Variants in PCDH11X observed in about 807,000 individuals in gnomAD.
The protein encoded by PCDH11X is protocadherin 11 X-linked, also known as protocadherin-11 X-linked.
PCDH11X carries 18 observed loss-of-function variants against 53.3 expected under a neutral mutation model. That is an observed-to-expected ratio of 0.34 (90% CI 0.23 to 0.50). PCDH11X has a LOEUF of 0.50. PCDH11X is among the 20% of genes least tolerant of loss of function. The pLI is 0.98. For missense variants in PCDH11X, 570 were observed against 1,032.4 expected (o/e 0.55, Z 6.14); for synonymous variants, 279 against 393.3 (o/e 0.71, Z 3.44).
At chrX:91,814,709 CACAG>C (rs1936401449) in intron 4 of PCDH11X, among the ~76,000 whole-genome samples, 1 of 91,438 alleles carries the variant, frequency 1.1e-5, no homozygotes, top group Non-Finnish European at 2.2e-5. Flanking sequence ...TTCTTTCAAT[CACAG>C]ATGGCTAGAA....
chrX:92,171,297 A>G (rs1190333728), intron 6 of PCDH11X, among the ~76,000 whole-genome samples: 1 of 103,372 alleles, frequency 9.7e-6, no homozygotes. Flanking sequence ...TTGGTTGTGC[A>G]TGTTGTTTTT....
intron 10 of PCDH11X, among the ~76,000 whole-genome samples, chrX:92,552,123 G>A (rs1209045897): frequency 2.0e-4 from 20 of 99,610 alleles, no homozygotes; most frequent in African/African-American, 6.9e-4. Context: ...CATTGAGTCT[G>A]TAGATTGCTT....
intron 6 of PCDH11X, among the ~76,000 whole-genome samples, chrX:91,971,050 C>T (rs1315777857): frequency 2.7e-5 from 3 of 111,356 alleles, no homozygotes; most frequent in Non-Finnish European, 5.6e-5. Context: ...AGGAAAAATG[C>T]ATAATTACCT....
intron 4 of PCDH11X, among the ~76,000 whole-genome samples, chrX:91,814,865 T>C (rs897739439): frequency 6.7e-5 from 7 of 104,148 alleles, no homozygotes; most frequent in African/African-American, 2.5e-4. Context: ...AGTTAGTTTT[T>C]CCCACAGGAT....
chrX:92,298,020 G>A (rs1241030654), intron 8 of PCDH11X, among the ~76,000 whole-genome samples: 1 of 110,847 alleles, frequency 9.0e-6, no homozygotes, highest in East Asian at 2.8e-4. Flanking sequence ...TGCTTAAGTT[G>A]TTTATCAGAT....
intron 8 of PCDH11X, among the ~76,000 whole-genome samples, chrX:92,332,771 G>C (rs1284741263): frequency 9.0e-6 from 1 of 111,670 alleles, no homozygotes; most frequent in Non-Finnish European, 1.9e-5. Context: ...AGCAGTGCAG[G>C]GAACTGGTTG....
At chrX:92,574,844 T>G (rs2148777710) in intron 10 of PCDH11X, among the ~76,000 whole-genome samples, 1 of 111,018 alleles carries the variant, frequency 9.0e-6, no homozygotes, top group South Asian at 3.7e-4. Context: ...ATTTGAAGAT[T>G]ACAAAAAATA....
intron 6 of PCDH11X, among the ~76,000 whole-genome samples, chrX:91,947,367 T>A (rs1489410655): frequency 2.9e-5 from 3 of 105,203 alleles, no homozygotes; most frequent in Non-Finnish European, 5.9e-5. Flanking sequence ...TATAGTCACA[T>A]TCAGGGAACA....
intron 10 of PCDH11X, among the ~76,000 whole-genome samples, chrX:92,586,740 G>T (rs1924420882): frequency 1.8e-5 from 2 of 110,717 alleles, no homozygotes; most frequent in South Asian, 7.6e-4. Flanking sequence ...GGCTGCTCTG[G>T]TTAGTTCACA....
chrX:91,933,184 C>T (rs979644890), intron 6 of PCDH11X, among the ~76,000 whole-genome samples: 6 of 110,263 alleles, frequency 5.4e-5, no homozygotes, highest in Middle Eastern at 4.6e-3. Context: ...CTATGTCTTG[C>T]AAAGCTTTTG....
In PCDH11X at chrX:92,454,962, A is replaced by G. The variant is rs199863420; in HGVS notation, c.3344-13337A>G. 1.3e-4 allele frequency among the ~76,000 whole-genome samples: 14 copies of G among 110,151 alleles called. No individual in the cohort carries two copies. The East Asian group carries it at 4.0e-3, about 32-fold the overall frequency. On this transcript the variant is annotated intron_variant, in intron 9 of 10. Coordinates refer to ENST00000682573, the MANE Select transcript of PCDH11X (RefSeq NM_032968.5). The stretch of plus-strand genomic sequence containing the variant: ...AAAATTTTGAGAAAATATTTTGAGG[A>G]AATGTGTTAATGCATTATTTGCTTC...
At chrX:91,936,944 T>TA (rs1277019165) in intron 6 of PCDH11X, among the ~76,000 whole-genome samples, 1 of 108,800 alleles carries the variant, frequency 9.2e-6, no homozygotes, top group Non-Finnish European at 1.9e-5. Context: ...TATAATGATT[T>TA]AAATAGTTTA....
At chrX:92,496,955 C>T (rs1259438972) in intron 10 of PCDH11X, among the ~76,000 whole-genome samples, 9 of 110,438 alleles carry the variant, frequency 8.1e-5, no homozygotes, top group Non-Finnish European at 1.5e-4. Context: ...AGACTCTTAC[C>T]TTTGTGTTCC....
At chrX:91,859,001 A>G (rs1369528800) in intron 5 of PCDH11X, among the ~76,000 whole-genome samples, 1 of 108,277 alleles carries the variant, frequency 9.2e-6, no homozygotes, top group African/African-American at 3.4e-5. Flanking sequence ...GTATCAGTCC[A>G]TTCTCACATG....
intron 6 of PCDH11X, among the ~76,000 whole-genome samples, chrX:92,175,063 C>T (rs1339112684): frequency 9.0e-6 from 1 of 110,763 alleles, no homozygotes; most frequent in East Asian, 2.9e-4. Flanking sequence ...ACAACCTCTG[C>T]CTCCTGGGTT....
At chrX:92,321,307 C>G (rs1454486092) in intron 8 of PCDH11X, among the ~76,000 whole-genome samples, 1 of 107,683 alleles carries the variant, frequency 9.3e-6, no homozygotes, top group Non-Finnish European at 1.9e-5. Flanking sequence ...ATTCTCCTGC[C>G]TCAGCCTCCC....
At chrX:92,214,645 G>C (rs912268064) in intron 7 of PCDH11X, among the ~76,000 whole-genome samples, 1 of 111,626 alleles carries the variant, frequency 9.0e-6, no homozygotes, top group African/African-American at 3.3e-5. Context: ...ACAGGAAGCA[G>C]GGAAACATAG....
intron 6 of PCDH11X, among the ~76,000 whole-genome samples, chrX:91,957,696 G>A (rs2061728778): frequency 9.1e-6 from 1 of 110,396 alleles, no homozygotes; most frequent in East Asian, 2.9e-4. Flanking sequence ...GCACCTGTAG[G>A]AGGAGACTGG....
chrX:92,264,321 T>G (rs1432608296), intron 8 of PCDH11X, among the ~76,000 whole-genome samples: 1 of 111,788 alleles, frequency 8.9e-6, no homozygotes, highest in East Asian at 2.8e-4. Flanking sequence ...ATTGCCTCTC[T>G]GAATCATACT....
Sources: gnomAD v4.1 joint callset for allele counts (sites outside exome capture counted in the v4.1 genomes callset) on GRCh38, gnomAD v4.1.1 for gene constraint, MANE v1.5 for transcripts, NCBI Gene and HGNC (gene_info 2026-07-23, HGNC 2026-07-21) for gene names.